Variants in FNTB observed in about 807,000 individuals in gnomAD.
FNTB encodes the protein protein farnesyltransferase subunit beta.
In FNTB, 27 loss-of-function variants were observed where a neutral mutation model predicts 59.4. That is an observed-to-expected ratio of 0.45 (90% CI 0.34 to 0.63). The LOEUF is 0.63. Ranked by LOEUF, FNTB falls within the 20% of genes least tolerant of loss-of-function variation. FNTB has a pLI of 0.02. For missense variants in FNTB, 449 were observed against 559.6 expected (o/e 0.80, Z 1.99); for synonymous variants, 230 against 220.7 (o/e 1.04, Z -0.37).
intron 1 of FNTB, among the ~76,000 whole-genome samples, chr14:65,000,939 G>T (rs1046715675): frequency 2.0e-5 from 3 of 151,870 alleles, no homozygotes; most frequent in Admixed American, 2.0e-4. Flanking sequence ...ATTACATAAG[G>T]TATACATTAT....
intron 9 of FNTB, 129 bp from the exon 10 acceptor site, chr14:65,053,109 A>T: frequency 1.6e-6 from 1 of 616,438 alleles, no homozygotes; most frequent in Non-Finnish European, 2.4e-6. Context: ...TAGCAGTTGT[A>T]CCAAGAATGA....
At chr14:65,058,195 TTTTTC>T (rs1159871554) in intron 11 of FNTB, among the ~76,000 whole-genome samples, 8 of 148,188 alleles carry the variant, frequency 5.4e-5, no homozygotes, top group South Asian at 2.2e-4. Context: ...ATGAACATAA[TTTTTC>T]TTTTCTTTAA....
rs907301032 is a variant in FNTB, at chr14:65,060,386, C to T, written c.1183-795C>T. 1.3e-4 allele frequency among the ~76,000 whole-genome samples: 19 copies of T among 147,646 alleles called. No individual in the cohort carries two copies. The South Asian group carries it at 2.4e-3, about 19-fold the overall frequency. On this transcript the variant is annotated intron_variant, in intron 11 of 11. Transcript: ENST00000246166. ...GGTGGATCACCTGAGGTCAGGAGTTCGAGACCAGCCGGACCAACATGGTGA... is the reference window on the plus strand; with the variant it reads ...GGTGGATCACCTGAGGTCAGGAGTTTGAGACCAGCCGGACCAACATGGTGA...
rs554375926 is a variant in FNTB, at chr14:64,991,175, ATGGCATGGTGTCATTGAACCAT to A, written c.144+4088_144+4109del. 1.9e-3 allele frequency among the ~76,000 whole-genome samples: 289 copies of A among 152,268 alleles called. 2 individuals carry two copies. The highest frequency in any genetic ancestry group is 6.6e-3 in the African/African-American group (275 of 41,536). On this transcript the variant is annotated intron_variant, in intron 1 of 11. Transcript: ENST00000246166. This position sits in a 1 kb window ranked among gnomAD's most constrained non-coding sequence, Gnocchi z 4.4. ...GAGGCAAACGCGTCCTCCACTTTAA[ATGGCATGGTGTCATTGAACCAT>A]TGGCATGGTTCATTGTCAATGAAGT...
intron 1 of FNTB, among the ~76,000 whole-genome samples, chr14:64,993,562 G>T (rs1594982913): frequency 1.3e-5 from 2 of 152,024 alleles, no homozygotes; most frequent in Non-Finnish European, 2.9e-5. Context: ...AATTTTTTTT[G>T]AAAAGTCTTG....
In FNTB at chr14:65,047,613, A is replaced by G. The variant is rs981248145; in HGVS notation, c.955+3170A>G. Among the ~76,000 whole-genome samples the G allele has an allele frequency of 1.3e-5, 2 of 152,220 alleles. No homozygotes were observed. The highest frequency in any genetic ancestry group is 2.9e-5 in the Non-Finnish European group (2 of 68,042). On this transcript the variant is annotated intron_variant, in intron 9 of 11. Transcript: ENST00000246166. The surrounding 1 kb of genome is among the most constrained non-coding windows in gnomAD (Gnocchi z 5.2). ...TTTGGAGGGCAGTTTGGAGACATCCATTTAAATTATAAGGGCACTTACCCT... is the reference window on the plus strand; with the variant it reads ...TTTGGAGGGCAGTTTGGAGACATCCGTTTAAATTATAAGGGCACTTACCCT...
rs1203588955 is a variant in FNTB at position 65,005,511 on chromosome 14, T to TTC, written c.209+1208_209+1209dup. Among the ~76,000 whole-genome samples the TTC allele has an allele frequency of 1.4e-4, 9 of 64,456 alleles. No homozygotes were observed. In the East Asian group the frequency reaches 5.5e-3, roughly 40 times the overall value. 42.3% of individuals were successfully genotyped at this position (64,456 alleles called of 152,430 possible). Reference sequence around the variant, plus strand: ...TTTCTTTCTTTCTTTCTTTCTTTCTTTCTCTCTCTCTTTCTCTTTCTCTTT... The same window carrying TTC: ...TTTCTTTCTTTCTTTCTTTCTTTCTTTCTCTCTCTCTCTTTCTCTTTCTCTTT... On this transcript the variant is annotated intron_variant, in intron 2 of 11. Coordinates refer to ENST00000246166, the MANE Select transcript of FNTB (RefSeq NM_002028.4).
chr14:65,061,282 T>G lies in FNTB; in HGVS notation c.1284T>G (p.Asp428Glu). 6.2e-7 allele frequency: 1 copy of G among 1,614,074 alleles called. No individual in the cohort carries two copies. The highest frequency in any genetic ancestry group is 8.5e-7 in the Non-Finnish European group (1 of 1,180,018). Residue 428 changes from aspartate (D) to glutamate (E), a missense_variant, in exon 12 of 12, where the codon GAT (aspartate) becomes GAG (glutamate). Around this residue, in one of 2 missense-constraint regions of FNTB, gnomAD observed 337 missense variants for 479.1 expected, o/e 0.70. Coordinates refer to ENST00000246166, the MANE Select transcript of FNTB (RefSeq NM_002028.4). The stretch of plus-strand genomic sequence containing the variant: ...TCCCAGGTTTTGAGGAGCTTAAGGA[T>G]GAGACATCGGCAGAGCCTGCAACCG... ...KPVPGFEELK[D>E]ETSAEPATD
intron 1 of FNTB, among the ~76,000 whole-genome samples, chr14:64,998,063 AT>A (rs1402847896): frequency 4.6e-5 from 7 of 152,102 alleles, no homozygotes; most frequent in African/African-American, 1.7e-4. Flanking sequence ...TATTTAGAGA[AT>A]TTTTGTTTGT....
chr14:65,009,538 A>G lies in FNTB; in HGVS notation c.210-2779A>G, dbSNP rs1458623885. 2.6e-5 allele frequency among the ~76,000 whole-genome samples: 4 copies of G among 152,006 alleles called. No homozygotes were observed. Among genetic ancestry groups the G allele is most frequent in the African/African-American group, 9.7e-5 (4 of 41,360 alleles). On this transcript the variant is annotated intron_variant, in intron 2 of 11. Transcript: ENST00000246166. This position sits in a 1 kb window ranked among gnomAD's most constrained non-coding sequence, Gnocchi z 4.2. ...CCTATATTTCGCTAGCTTCGTACCC[A>G]TCATTTCTCGCTCAAAGAATGCAGC...
At chr14:65,026,614 C>T (rs1180986062) in intron 4 of FNTB, among the ~76,000 whole-genome samples, 1 of 152,178 alleles carries the variant, frequency 6.6e-6, no homozygotes, top group Admixed American at 6.5e-5. Flanking sequence ...AATCCCAGCA[C>T]TTGCAGAGGC....
chr14:65,005,545 CCTCT>C (rs1302456117), intron 2 of FNTB, among the ~76,000 whole-genome samples: 1 of 139,804 alleles, frequency 7.2e-6, no homozygotes, highest in Non-Finnish European at 1.5e-5. Context: ...TTCTTTCTCT[CCTCT>C]CTCTTTCTCT....
chr14:65,012,195 C>T lies in FNTB; in HGVS notation c.210-122C>T. On this transcript the variant is annotated intron_variant, in intron 2 of 11. Coordinates refer to ENST00000246166, the MANE Select transcript of FNTB (RefSeq NM_002028.4). The surrounding 1 kb of genome is among the most constrained non-coding windows in gnomAD (Gnocchi z 5.0). ...CCAGAGAAGTTGCTGGTTATCCAGT[C>T]AGTGATTGCAGGGGGACGTCCTGAA... 1 of 1,186,222 alleles carries T rather than the reference C, an allele frequency of 8.4e-7. No homozygotes were observed. The highest frequency in any genetic ancestry group is 1.2e-6 in the Non-Finnish European group (1 of 824,328). 73.5% of individuals were successfully genotyped at this position (1,186,222 alleles called of 1,614,324 possible). A position where few individuals can be genotyped will look rare whatever the true frequency, so the allele number is the denominator to read the frequency against.
intron 8 of FNTB, among the ~76,000 whole-genome samples, chr14:65,042,792 T>G (rs923787326): frequency 6.6e-6 from 1 of 152,184 alleles, no homozygotes; most frequent in African/African-American, 2.4e-5. Flanking sequence ...TAAGTAGAAA[T>G]GAGGAACCGA....
chr14:65,025,119 C>T (rs1232136079), intron 4 of FNTB, among the ~76,000 whole-genome samples: 1 of 152,152 alleles, frequency 6.6e-6, no homozygotes, highest in Non-Finnish European at 1.5e-5. Flanking sequence ...AGCCCAACCT[C>T]CAGTTCTCTA....
At chr14:65,055,987 T>A (rs1444078011) in intron 11 of FNTB, among the ~76,000 whole-genome samples, 1 of 150,918 alleles carries the variant, frequency 6.6e-6, no homozygotes, top group Non-Finnish European at 1.5e-5. Flanking sequence ...CTCTTCCAGT[T>A]TTTTTTCCTC....
Position 65,054,474 on chromosome 14 carries a change from G to T in FNTB, c.1068-101G>T. ...CCTCTAGCCACATGGAGGATGGGGG[G>T]GGACGTGTGATTGCACCAGTGGTCT... On this transcript the variant is annotated intron_variant, in intron 10 of 11. Coordinates refer to ENST00000246166, the MANE Select transcript of FNTB (RefSeq NM_002028.4). The surrounding 1 kb of genome is among the most constrained non-coding windows in gnomAD (Gnocchi z 4.4). 8.4e-7 allele frequency: 1 copy of T among 1,184,732 alleles called. No homozygotes were observed. The highest frequency in any genetic ancestry group is 1.2e-6 in the Non-Finnish European group (1 of 833,126). 73.4% of individuals were successfully genotyped at this position (1,184,732 alleles called of 1,614,324 possible).
chr14:65,001,406 A>G lies in FNTB; in HGVS notation c.145-2843A>G, dbSNP rs898939979. The stretch of plus-strand genomic sequence containing the variant: ...TGGCCCAGGAGCAGTAGGCCACACT[A>G]TACAGCCTATGCGTGTGGTAGGCTA... On this transcript the variant is annotated intron_variant, in intron 1 of 11. Transcript: ENST00000246166. The surrounding 1 kb of genome is among the most constrained non-coding windows in gnomAD (Gnocchi z 5.5). Among the ~76,000 whole-genome samples, 5 of 152,178 alleles carry G rather than the reference A, an allele frequency of 3.3e-5. No homozygotes were observed. The highest frequency in any genetic ancestry group is 1.2e-4 in the African/African-American group (5 of 41,438).
intron 4 of FNTB, among the ~76,000 whole-genome samples, chr14:65,019,363 T>C (rs547713875): frequency 5.7e-4 from 87 of 151,412 alleles, no homozygotes; most frequent in African/African-American, 2.0e-3. Context: ...GGCTGGCACC[T>C]GTAATCCCAG....
Sources: allele counts gnomAD v4.1 joint callset (sites outside exome capture counted in the v4.1 genomes callset), GRCh38; gene constraint gnomAD v4.1.1; regional missense constraint gnomAD v4.1.1; non-coding constraint Gnocchi (gnomAD v3.1); transcripts MANE v1.5; gene names NCBI Gene and HGNC (gene_info 2026-07-23, HGNC 2026-07-21).